The following DPP3 variants were observed in gnomAD, a reference collection of about 807,000 sequenced individuals.
DPP3 encodes dipeptidyl peptidase 3, also known as DPP III.
Under a neutral mutation model 89.8 loss-of-function variants are expected in DPP3, and 64 were observed. The observed-to-expected ratio is 0.71, with a 90% CI of 0.58 to 0.88. The LOEUF (loss-of-function observed/expected upper bound fraction) is 0.88. Among genes scored for constraint, DPP3 ranks in the 40% least tolerant of loss-of-function variants. The probability of loss-of-function intolerance (pLI) is 0.00; values close to 1 mark genes in which losing one functional copy is unlikely to be tolerated. For synonymous variants in DPP3, 377 were observed against 404.3 expected (o/e 0.93, Z 0.81); for missense variants, 835 against 972.5 (o/e 0.86, Z 1.88).
intron 16 of DPP3, among the ~76,000 whole-genome samples, chr11:66,499,470 TACA>T (rs1224205048): frequency 6.6e-6 from 1 of 151,652 alleles, no homozygotes; most frequent in Non-Finnish European, 1.5e-5. Flanking sequence ...CACAGTAAAA[TACA>T]ACAAGATATT....
rs752247937 is a variant in DPP3, at chr11:66,485,212, G to C, written c.310G>C (p.Gly104Arg). The change falls in exon 3 of 18, where the codon GGC becomes CGC. Residue 104 changes from glycine (G) to arginine (R), a missense_variant. Coordinates refer to ENST00000531863, the MANE Select transcript of DPP3 (RefSeq NM_130443.4). ...TGCCGCGGGTGTTTACTCCAACATG[G>C]GCAACTACAAGTCCTTTGGTGACAC... The part of the protein sequence containing the change: ...VYAAGVYSNM[G>R]NYKSFGDTKF... 1 of 1,614,144 alleles carries C rather than the reference G, an allele frequency of 6.2e-7. No homozygotes were observed.
rs777792587 is a variant in DPP3, at chr11:66,504,734, A to G, written c.2001A>G (p.Glu667=). 1 of 1,612,734 alleles carries G rather than the reference A, an allele frequency of 6.2e-7. No individual in the cohort carries two copies. The highest frequency in any genetic ancestry group is 1.1e-5 in the South Asian group (1 of 90,978). The change falls in exon 17 of 18, where the codon GAA becomes GAG. Residue 667 remains glutamate (E), a synonymous_variant. Coordinates refer to ENST00000531863, the MANE Select transcript of DPP3 (RefSeq NM_130443.4). ...TLRDTVLLRK[E]SRKLIVQPNT... ...GGGACACGGTGCTGCTGCGTAAGGA[A>G]TCTCGGAAGCTCATTGTTCAGCCCA... is the stretch of plus-strand genomic sequence containing the variant.
intron 17 of DPP3, among the ~76,000 whole-genome samples, chr11:66,508,267 C>G (rs898544640): frequency 5.3e-5 from 8 of 152,108 alleles, no homozygotes; most frequent in Admixed American, 5.2e-4. Flanking sequence ...TCAGAACAGC[C>G]CATTTAATAA....
chr11:66,485,786 C>T (rs1207550170), intron 3 of DPP3, among the ~76,000 whole-genome samples: 1 of 152,100 alleles, frequency 6.6e-6, no homozygotes, highest in East Asian at 1.9e-4. Flanking sequence ...TGCTCTGTCA[C>T]CCAAGCTGAA....
rs191890729 is a variant in DPP3, at chr11:66,485,252, A to C, written c.350A>C (p.Asn117Thr). 2 of 1,613,930 alleles carry C rather than the reference A, an allele frequency of 1.2e-6. No homozygotes were observed. Among genetic ancestry groups the C allele is most frequent in the African/African-American group, 1.3e-5 (1 of 74,986 alleles). ...KSFGDTKFVP[N>T]LPKEKLERVI... ...TTTGGTGACACCAAGTTTGTTCCCA[A>C]CTTGCCCAAGGTGAGCCAAGGGAGG... The change falls in exon 3 of 18, where the codon AAC becomes ACC. Residue 117 changes from asparagine to threonine, a missense_variant. Transcript: ENST00000531863.
chr11:66,496,055 A>G (rs1261768187), intron 15 of DPP3, among the ~76,000 whole-genome samples: 1 of 152,054 alleles, frequency 6.6e-6, no homozygotes, highest in Non-Finnish European at 1.5e-5. Flanking sequence ...TGAATTAACT[A>G]CCCCAGGAGG....
Position 66,486,657 on chromosome 11 carries a change from C to T in DPP3, c.478C>T (p.His160Tyr), listed in dbSNP as rs779074322. Reference sequence around the variant, plus strand: ...GTTCTCTCTGGAGCCAAGGCTTCGACACCTCGGACTGGGGAAGGAGGTGAG... The same window carrying T: ...GTTCTCTCTGGAGCCAAGGCTTCGATACCTCGGACTGGGGAAGGAGGTGAG... ...LMFSLEPRLR[H>Y]LGLGKEGITT... Residue 160 changes from histidine (H) to tyrosine (Y), a missense_variant, in exon 4 of 18, where the codon CAC (histidine) becomes TAC (tyrosine). Coordinates refer to ENST00000531863, the MANE Select transcript of DPP3 (RefSeq NM_130443.4). 23 of 1,558,756 alleles carry T rather than the reference C, an allele frequency of 1.5e-5. No individual in the cohort carries two copies. Among genetic ancestry groups the T allele is most frequent in the Middle Eastern group, 3.4e-4 (2 of 5,888 alleles).
At chr11:66,506,923 C>G (rs1418552504) in intron 17 of DPP3, among the ~76,000 whole-genome samples, 1 of 151,970 alleles carries the variant, frequency 6.6e-6, no homozygotes, top group African/African-American at 2.4e-5. Flanking sequence ...GCGCCCATCA[C>G]GCTTGCCCAT....
chr11:66,508,951 A>ACAGGTTTTTTTGGCAGAGCT, intron 17 of DPP3, 128 bp from the exon 18 acceptor site: 1 of 1,186,260 alleles, frequency 8.4e-7, no homozygotes, highest in Non-Finnish European at 1.2e-6. Flanking sequence ...AACGTAGAGC[A>ACAGGTTTTTTTGGCAGAGCT]CAGGTTTTTT....
chr11:66,496,494 A>C (rs1392761473), intron 15 of DPP3, among the ~76,000 whole-genome samples: 2 of 151,626 alleles, frequency 1.3e-5, no homozygotes, highest in African/African-American at 4.8e-5. Flanking sequence ...GGCTCACTGC[A>C]AACTCCATCT....
At chr11:66,498,955 G>T (rs1002433435) in intron 16 of DPP3, among the ~76,000 whole-genome samples, 5 of 152,218 alleles carry the variant, frequency 3.3e-5, no homozygotes, top group Admixed American at 2.6e-4. Context: ...AGAGGCTGCA[G>T]TGAGCCCTGA....
At position 66,484,078 on chromosome 11, in the gene DPP3, A is replaced by G. The variant is rs183642339; in HGVS notation, c.271-1095A>G. On this transcript the variant is annotated intron_variant, in intron 2 of 17. Coordinates refer to ENST00000531863, the MANE Select transcript of DPP3 (RefSeq NM_130443.4). The stretch of plus-strand genomic sequence containing the variant: ...CTGCAACCTCCAACTCCCTGGTTCA[A>G]GCGATTCTCCTGCCTCAGCCTCCTG... Among the ~76,000 whole-genome samples the G allele has an allele frequency of 1.6e-4, 24 of 152,164 alleles. No homozygotes were observed. In the East Asian group the frequency reaches 4.4e-3, roughly 28 times the overall value.
chr11:66,484,850 C>CCTT (rs1855179445), intron 2 of DPP3, among the ~76,000 whole-genome samples: 1 of 152,160 alleles, frequency 6.6e-6, no homozygotes, highest in African/African-American at 2.4e-5. Context: ...GAGGGAGGTG[C>CCTT]TGCTGGAACT....
At chr11:66,506,317 C>T (rs1393272530) in intron 17 of DPP3, among the ~76,000 whole-genome samples, 1 of 151,272 alleles carries the variant, frequency 6.6e-6, no homozygotes, top group African/African-American at 2.4e-5. Flanking sequence ...TGCAGTGGCT[C>T]GATCTTGGCC....
intron 15 of DPP3, 32 bp from the exon 16 acceptor site, chr11:66,497,266 C>T: frequency 6.2e-7 from 1 of 1,603,632 alleles, no homozygotes; most frequent in South Asian, 1.1e-5. Context: ...TTGATACGGG[C>T]TACAAATGCT....
chr11:66,505,098 C>G (rs1855768344), intron 17 of DPP3, among the ~76,000 whole-genome samples: 2 of 152,142 alleles, frequency 1.3e-5, no homozygotes, highest in South Asian at 4.1e-4. Flanking sequence ...AGAATTAGAC[C>G]TGTTGGGTAC....
intron 16 of DPP3, among the ~76,000 whole-genome samples, chr11:66,500,526 C>A (rs961032077): frequency 1.3e-5 from 2 of 152,188 alleles, no homozygotes; most frequent in African/African-American, 4.8e-5. Context: ...GCATAAGTTA[C>A]AATTGATACC....
Position 66,485,353 on chromosome 11 carries a change from C to G in DPP3, c.360+91C>G. 1.5e-6 allele frequency: 2 copies of G among 1,296,126 alleles called. No individual in the cohort carries two copies. Among genetic ancestry groups the G allele is most frequent in the Non-Finnish European group, 2.2e-6 (2 of 919,662 alleles). 80.3% of individuals were successfully genotyped at this position (1,296,126 alleles called of 1,614,324 possible). A position where few individuals can be genotyped will look rare whatever the true frequency, so the allele number is the denominator to read the frequency against. On this transcript the variant is annotated intron_variant, in intron 3 of 17. Coordinates refer to ENST00000531863, the MANE Select transcript of DPP3 (RefSeq NM_130443.4). ...GTAGAAGGAGCCCCAACTGGAGTGTCAGAAGCCCTGAGCAGAGCATGGACC... is the reference window on the plus strand; with the variant it reads ...GTAGAAGGAGCCCCAACTGGAGTGTGAGAAGCCCTGAGCAGAGCATGGACC...
chr11:66,509,003 T>C, intron 17 of DPP3, 76 bp from the exon 18 acceptor site: 3 of 1,542,560 alleles, frequency 1.9e-6, no homozygotes, highest in Middle Eastern at 1.7e-4. Context: ...GTAATTGTGA[T>C]TATTAAGATT....
Sources: allele counts gnomAD v4.1 joint callset (sites outside exome capture counted in the v4.1 genomes callset), GRCh38; gene constraint gnomAD v4.1.1; transcripts MANE v1.5; gene names NCBI Gene and HGNC (gene_info 2026-07-23, HGNC 2026-07-21).